AGL: variants seen among roughly 807,000 people sequenced by gnomAD.
AGL encodes amylo-alpha-1,6-glucosidase and 4-alpha-glucanotransferase, also known as glycogen debranching enzyme.
In AGL, 128 loss-of-function variants were observed where a neutral mutation model predicts 199.3. The observed-to-expected ratio is 0.64, with a 90% confidence interval of 0.56 to 0.74. The LOEUF is 0.74. Ranked by LOEUF, AGL falls within the 30% of genes least tolerant of loss-of-function variation. The pLI, the probability that AGL is intolerant of heterozygous loss-of-function variation, is 0.00. For synonymous variants in AGL, 584 were observed against 594.7 expected, an observed-to-expected ratio of 0.98 and a Z score of 0.26; for missense variants, 1,809 against 1,820.8, an observed-to-expected ratio of 0.99 and a Z score of 0.12.
chr1:99,890,621 T>C (rs1652808391), intron 21 of AGL, among the ~76,000 whole-genome samples: 1 of 130,608 alleles, frequency 7.7e-6, no homozygotes, highest in African/African-American at 2.8e-5. Flanking sequence ...ATGCTTCTAA[T>C]TGAAGACTAG....
chr1:99,890,007 A>G (rs1242294835), intron 21 of AGL, among the ~76,000 whole-genome samples: 2 of 152,156 alleles, frequency 1.3e-5, no homozygotes, highest in Non-Finnish European at 2.9e-5. Context: ...ATAATACGGT[A>G]TATCTAGTCA....
intron 10 of AGL, among the ~76,000 whole-genome samples, chr1:99,876,127 G>A (rs972364325): frequency 6.6e-6 from 1 of 151,920 alleles, no homozygotes; most frequent in East Asian, 1.9e-4. Flanking sequence ...CCCCTGCCTC[G>A]GCCTCCGAAA....
At position 99,884,328 on chromosome 1, in the gene AGL, T is replaced by C. The variant is rs759744414; in HGVS notation, c.2434-11T>C. ...TGTTGAATGGATTTTTTTAATGTACTTTTTTTCAAGCTTAATGAAAGTAAA... is the reference window on the plus strand; with the variant it reads ...TGTTGAATGGATTTTTTTAATGTACCTTTTTTCAAGCTTAATGAAAGTAAA... On this transcript the variant is annotated splice_polypyrimidine_tract_variant and intron_variant, in intron 18 of 33. Transcript: ENST00000361915. 1 of 1,612,324 alleles carries C rather than the reference T, an allele frequency of 6.2e-7. No individual in the cohort carries two copies. Among genetic ancestry groups the C allele is most frequent in the African/African-American group, 1.3e-5 (1 of 74,960 alleles).
rs1046363994 is a variant in AGL at position 99,892,330 on chromosome 1, A to G, written c.3084-102A>G. 8 of 1,053,176 alleles carry G rather than the reference A, an allele frequency of 7.6e-6. No homozygotes were observed. In the African/African-American group the frequency reaches 1.3e-4, roughly 17 times the overall value. 65.2% of individuals were successfully genotyped at this position (1,053,176 alleles called of 1,614,324 possible). ...TGTTAAGTAATATTACTATTGTTAT[A>G]GATTTGTATAGAAAAATCATTTGAA... On this transcript the variant is annotated intron_variant, in intron 23 of 33. Transcript: ENST00000361915.
chr1:99,915,359 A>AT, intron 30 of AGL, 30 bp from the exon 31 acceptor site: 1 of 1,545,490 alleles, frequency 6.5e-7, no homozygotes, highest in Non-Finnish European at 8.9e-7. Flanking sequence ...GATCTTAAAA[A>AT]TTTGTATATT....
rs1294842019 is a variant in AGL at position 99,923,894 on chromosome 1, A to G, written c.*2243A>G. 1 of 152,202 alleles carries G rather than the reference A, an allele frequency of 6.6e-6. No homozygotes were observed. The allele number at this position is 152,202 out of a possible 1,614,324, so 9.4% of individuals were successfully genotyped here. A position where few individuals can be genotyped will look rare whatever the true frequency, so the allele number is the denominator to read the frequency against. ...TAATTGGGAAAACATGAGACTGGTC[A>G]TATTGATGAATATTGTAACATGTGA... On this transcript the variant is annotated 3_prime_UTR_variant, in exon 34 of 34. Coordinates refer to ENST00000361915, the MANE Select transcript of AGL (RefSeq NM_000642.3).
intron 7 of AGL, among the ~76,000 whole-genome samples, chr1:99,872,218 C>T (rs1421642979): frequency 1.3e-5 from 2 of 152,142 alleles, no homozygotes; most frequent in Non-Finnish European, 2.9e-5. Context: ...GAACCACCTA[C>T]TACTGTGTGC....
chr1:99,914,166 G>T (rs1403438491), intron 30 of AGL, among the ~76,000 whole-genome samples: 38 of 152,150 alleles, frequency 2.5e-4, no homozygotes, highest in Non-Finnish European at 1.5e-5. Flanking sequence ...TAGCACAATA[G>T]GTTACATGGA....
rs1164739409 is a variant in AGL, at chr1:99,884,674, A to G, written c.2652A>G (p.Ala884=). The change falls in exon 20 of 34, where the codon GCA becomes GCG. Residue 884 remains alanine (A), a synonymous_variant. Transcript: ENST00000361915. ...CTGGCAGCCTAGCTGTTGACAATGC[A>G]GATCCTATATTAAAAATTCCTTTTG... ...FKSGSLAVDN[A]DPILKIPFAS... The G allele has an allele frequency of 1.2e-6, 2 of 1,613,876 alleles. No individual in the cohort carries two copies. Among genetic ancestry groups the G allele is most frequent in the Non-Finnish European group, 1.7e-6 (2 of 1,179,944 alleles).
rs1488781539 is a variant in AGL at position 99,857,079 on chromosome 1, C to CG, written c.83-4424_83-4423insG. ...TGGCCGGGCAGGGGGCTGACCCCCCCACCTCCCTCCCGGACGGGGCGGCTG... is the reference window on the plus strand; with the variant it reads ...TGGCCGGGCAGGGGGCTGACCCCCCCGACCTCCCTCCCGGACGGGGCGGCTG... On this transcript the variant is annotated intron_variant, in intron 2 of 33. Transcript: ENST00000361915. Among the ~76,000 whole-genome samples, 33 of 150,044 alleles carry CG rather than the reference C, an allele frequency of 2.2e-4. No homozygotes were observed. The South Asian group carries it at 3.2e-3, about 14-fold the overall frequency.
chr1:99,909,381 C>T (rs1654568758), intron 27 of AGL, among the ~76,000 whole-genome samples: 1 of 152,128 alleles, frequency 6.6e-6, no homozygotes, highest in Non-Finnish European at 1.5e-5. Context: ...GGAGCACTGC[C>T]TTAAGCCATC....
At chr1:99,874,459 C>T in intron 7 of AGL, 4 of 435,942 alleles carry the variant, frequency 9.2e-6, no homozygotes, top group Non-Finnish European at 1.6e-5. Context: ...TTATTTTTGT[C>T]TCTGTTTCTT....
At chr1:99,901,364 A>G (rs1653821017) in intron 26 of AGL, among the ~76,000 whole-genome samples, 1 of 141,902 alleles carries the variant, frequency 7.0e-6, no homozygotes, top group East Asian at 2.2e-4. Flanking sequence ...TAGGCAACAT[A>G]GCAAAACTCA....
intron 25 of AGL, among the ~76,000 whole-genome samples, chr1:99,899,163 C>T (rs1359513284): frequency 1.3e-5 from 2 of 152,132 alleles, no homozygotes; most frequent in Non-Finnish European, 1.5e-5. Flanking sequence ...TATTTTTATA[C>T]TTTGTAAATA....
intron 21 of AGL, among the ~76,000 whole-genome samples, chr1:99,889,725 TC>T (rs1652734403): frequency 6.6e-6 from 1 of 152,250 alleles, no homozygotes; most frequent in Admixed American, 6.5e-5. Flanking sequence ...GTGCTCTTTT[TC>T]TAGCCTTTGT....
At chr1:99,853,332 T>C (rs1493616) in intron 2 of AGL, among the ~76,000 whole-genome samples, 6,529 of 152,244 alleles carry the variant, frequency 0.043, 261 homozygotes, top group African/African-American at 0.096. Flanking sequence ...TCTCAGCAGG[T>C]TTTCTCATGC....
In AGL at chr1:99,876,664, T is replaced by G. The variant is rs575998160; in HGVS notation, c.1423+67T>G. 2.6e-6 allele frequency: 4 copies of G among 1,559,092 alleles called. No individual in the cohort carries two copies. The South Asian group carries it at 4.4e-5, about 17-fold the overall frequency. On this transcript the variant is annotated intron_variant, in intron 11 of 33. Coordinates refer to ENST00000361915, the MANE Select transcript of AGL (RefSeq NM_000642.3). ...TTCATGGCAAGGTCAAAATAAAATC[T>G]GCTTTACTGATTTTCTTCCCCATTA...
Position 99,874,722 on chromosome 1 carries a change from C to T in AGL, c.994C>T (p.His332Tyr), listed in dbSNP as rs757046818. 44 of 1,598,402 alleles carry T rather than the reference C, an allele frequency of 2.8e-5. 2 individuals carry two copies. In the South Asian group the frequency reaches 4.7e-4, roughly 17 times the overall value. The change falls in exon 8 of 34, where the codon CAC becomes TAC. Residue 332 changes from histidine (H) to tyrosine (Y), a missense_variant. Transcript: ENST00000361915. ...RRVTKSDPNQHLTIIQDPEYR... is the reference protein window; with the variant it reads ...RRVTKSDPNQYLTIIQDPEYR... ...AGTAACCAAGTCTGATCCAAACCAA[C>T]ACCTTACGATTATTCAAGATCCTGA...
Sources: allele counts gnomAD v4.1 joint callset (sites outside exome capture counted in the v4.1 genomes callset), GRCh38; gene constraint gnomAD v4.1.1; transcripts MANE v1.5; gene names NCBI Gene and HGNC (gene_info 2026-07-23, HGNC 2026-07-21).